The following GABRA3 variants were observed in gnomAD, a reference collection of about 807,000 sequenced individuals.
GABRA3 encodes gamma-aminobutyric acid receptor subunit alpha-3.
Under a neutral mutation model 30.1 loss-of-function variants are expected in GABRA3, and 10 were observed. The observed-to-expected ratio is 0.33, with a 90% CI of 0.20 to 0.56. GABRA3 has a LOEUF of 0.56. Among genes scored for constraint, GABRA3 ranks in the 20% least tolerant of loss-of-function variants. The pLI is 0.89. For synonymous variants in GABRA3, 151 were observed against 146.8 expected (o/e 1.03, Z -0.21); for missense variants, 233 against 392.0 (o/e 0.59, Z 3.42).
At chrX:152,190,642 T>C (rs1937312087) in intron 8 of GABRA3, among the ~76,000 whole-genome samples, 2 of 110,361 alleles carry the variant, frequency 1.8e-5, no homozygotes, top group African/African-American at 6.6e-5. Flanking sequence ...CAAACTATCG[T>C]GGAAAGTGGT....
chrX:152,315,316 T>C (rs1271885191), intron 3 of GABRA3, among the ~76,000 whole-genome samples: 2 of 110,764 alleles, frequency 1.8e-5, no homozygotes, highest in African/African-American at 6.6e-5. Flanking sequence ...CCACGCAAAA[T>C]ACAGGGGTAG....
At chrX:152,197,580 C>T (rs1207394253) in intron 8 of GABRA3, 53 bp downstream of exon 8, 135 of 1,098,828 alleles carry the variant, frequency 1.2e-4, no homozygotes, top group Non-Finnish European at 1.6e-4. Flanking sequence ...CTCACCTCCA[C>T]TGTGACTCTG....
At chrX:152,290,004 A>G (rs1417800601) in intron 3 of GABRA3, among the ~76,000 whole-genome samples, 1 of 112,131 alleles carries the variant, frequency 8.9e-6, no homozygotes, top group Non-Finnish European at 1.9e-5. Context: ...TTATAGTAGC[A>G]TGATTTATAA....
chrX:152,401,144 T>G (rs1193989889), intron 1 of GABRA3, among the ~76,000 whole-genome samples: 1 of 111,165 alleles, frequency 9.0e-6, no homozygotes, highest in Admixed American at 9.6e-5. Flanking sequence ...TGTGTTTTTT[T>G]AAACTGTTAC....
chrX:152,260,859 C>A (rs1938716761), intron 4 of GABRA3, among the ~76,000 whole-genome samples: 1 of 111,526 alleles, frequency 9.0e-6, no homozygotes, highest in African/African-American at 3.3e-5. Flanking sequence ...TAAAGACAAT[C>A]CAAGAAAAAC....
At chrX:152,377,136 G>A (rs112432955) in intron 1 of GABRA3, among the ~76,000 whole-genome samples, 8 of 111,377 alleles carry the variant, frequency 7.2e-5, no homozygotes, top group African/African-American at 1.3e-4. Flanking sequence ...CATAAACACC[G>A]TAATTTAGAA....
At position 152,166,733 on chromosome X, in the gene GABRA3, G is replaced by A. The variant is rs1259219236; in HGVS notation, c.*1495C>T. ...AAGTGATCTTCTTGGGTGACACATT[G>A]TGACTTTCTAAAAACCTTTTTGGTG... On this transcript the variant is annotated 3_prime_UTR_variant, in exon 10 of 10. Transcript: ENST00000370314. 1 of 110,824 alleles carries A rather than the reference G, an allele frequency of 9.0e-6. No individual in the cohort carries two copies. The highest frequency in any genetic ancestry group is 1.9e-5 in the Non-Finnish European group (1 of 52,940). The allele number at this position is 110,824 out of a possible 1,213,427, so 9.1% of individuals were successfully genotyped here. A position where few individuals can be genotyped will look rare whatever the true frequency, so the allele number is the denominator to read the frequency against.
At chrX:152,400,626 TA>T (rs1385072007) in intron 1 of GABRA3, among the ~76,000 whole-genome samples, 1 of 111,990 alleles carries the variant, frequency 8.9e-6, no homozygotes, top group Non-Finnish European at 1.9e-5. Context: ...ATGTAAACAT[TA>T]CACAACCAAA....
chrX:152,301,662 T>C (rs1428135458), intron 3 of GABRA3, among the ~76,000 whole-genome samples: 1 of 110,469 alleles, frequency 9.1e-6, no homozygotes, highest in East Asian at 2.8e-4. Flanking sequence ...GCCTCCTGAG[T>C]AGCTGGGATT....
chrX:152,190,965 A>G (rs1232110366), intron 8 of GABRA3, among the ~76,000 whole-genome samples: 1 of 109,390 alleles, frequency 9.1e-6, no homozygotes, highest in Non-Finnish European at 1.9e-5. Flanking sequence ...CTCACCTACT[A>G]GTAATATGAC....
chrX:152,392,686 C>T (rs1310522579), intron 1 of GABRA3, among the ~76,000 whole-genome samples: 1 of 111,814 alleles, frequency 8.9e-6, no homozygotes, highest in Non-Finnish European at 1.9e-5. Flanking sequence ...GAGGACCCAC[C>T]GTGTAACATG....
At chrX:152,175,831 A>G (rs763166364) in intron 9 of GABRA3, among the ~76,000 whole-genome samples, 53 of 110,842 alleles carry the variant, frequency 4.8e-4, no homozygotes, top group Admixed American at 4.3e-3. Flanking sequence ...TTGGGAGGCC[A>G]AGGCGGGCAG....
chrX:152,361,985 C>T (rs73626637), intron 2 of GABRA3, among the ~76,000 whole-genome samples: 1,349 of 110,961 alleles, frequency 0.012, 23 homozygotes, highest in African/African-American at 0.042. Context: ...CTATCATGGC[C>T]CAGTGAAATG....
chrX:152,331,059 A>G (rs983964680), intron 3 of GABRA3, among the ~76,000 whole-genome samples: 3 of 109,785 alleles, frequency 2.7e-5, no homozygotes, highest in Non-Finnish European at 3.8e-5. Flanking sequence ...GTTGACTGAG[A>G]AGACAGTGAT....
chrX:152,329,943 A>T (rs925894798), intron 3 of GABRA3, among the ~76,000 whole-genome samples: 2 of 111,987 alleles, frequency 1.8e-5, no homozygotes, highest in African/African-American at 6.5e-5. Flanking sequence ...TTTACAATCT[A>T]CCCATCTGAC....
chrX:152,261,839 T>G (rs1033105230), intron 4 of GABRA3, among the ~76,000 whole-genome samples: 2 of 112,282 alleles, frequency 1.8e-5, no homozygotes, highest in Non-Finnish European at 3.8e-5. Flanking sequence ...CCAGTGGGAA[T>G]TCTGTGTGTG....
At chrX:152,199,393 A>C (rs1419989708) in intron 7 of GABRA3, among the ~76,000 whole-genome samples, 1 of 109,072 alleles carries the variant, frequency 9.2e-6, no homozygotes, top group African/African-American at 3.3e-5. Context: ...AAAGCAAAAA[A>C]CAAGCAGAGG....
chrX:152,234,102 G>T (rs5969874), intron 5 of GABRA3, among the ~76,000 whole-genome samples: 51,620 of 98,868 alleles, frequency 0.52, 12,386 homozygotes, highest in East Asian at 0.87. Flanking sequence ...TGCTAGATGA[G>T]GAGTTAGTGG....
intron 9 of GABRA3, among the ~76,000 whole-genome samples, chrX:152,188,821 A>G (rs1937288225): frequency 8.9e-6 from 1 of 111,976 alleles, no homozygotes; most frequent in African/African-American, 3.2e-5. Flanking sequence ...GAGTACCAGG[A>G]TGGTCCTGAG....
Sources: allele counts gnomAD v4.1 joint callset (sites outside exome capture counted in the v4.1 genomes callset), GRCh38; gene constraint gnomAD v4.1.1; transcripts MANE v1.5; gene names NCBI Gene and HGNC (gene_info 2026-07-23, HGNC 2026-07-21).